Variants in UGT1A4 observed in about 807,000 individuals in gnomAD.
UGT1A4 encodes UDP-glucuronosyltransferase 1A4.
Under a neutral mutation model 41.1 loss-of-function variants are expected in UGT1A4, and 32 were observed. That is an observed-to-expected ratio of 0.78 (90% CI 0.59 to 1.05). The LOEUF (loss-of-function observed/expected upper bound fraction) is 1.05. Ranked by LOEUF, UGT1A4 falls within the 50% of genes least tolerant of loss-of-function variation. UGT1A4 has a pLI of 0.00. For missense variants in UGT1A4, 748 were observed against 677.4 expected, an observed-to-expected ratio of 1.10 and a Z score of -1.16; for synonymous variants, 283 against 265.1, an observed-to-expected ratio of 1.07 and a Z score of -0.66.
At chr2:233,750,259 G>C (rs1161591814) in intron 1 of UGT1A4, among the ~76,000 whole-genome samples, 2 of 151,924 alleles carry the variant, frequency 1.3e-5, no homozygotes, top group African/African-American at 2.4e-5. Flanking sequence ...GGTCACCCTT[G>C]CTATGCTTTA....
intron 1 of UGT1A4, among the ~76,000 whole-genome samples, chr2:233,745,546 A>G (rs1693142103): frequency 6.6e-6 from 1 of 151,692 alleles, no homozygotes. Flanking sequence ...CACCAGAACA[A>G]ACTTCTAAGT....
At chr2:233,721,716 GT>G (rs1452034335) in intron 1 of UGT1A4, 1 of 386,646 alleles carries the variant, frequency 2.6e-6, no homozygotes, top group African/African-American at 2.1e-5. Context: ...TGGATGCTTT[GT>G]TTACTTGGAT....
rs886044684 is a variant in UGT1A4 at position 233,767,925 on chromosome 2, A to G, written c.1076A>G (p.Asn359Ser). The G allele has an allele frequency of 1.2e-6, 2 of 1,614,156 alleles. No homozygotes were observed. Among genetic ancestry groups the G allele is most frequent in the Non-Finnish European group, 1.7e-6 (2 of 1,180,038 alleles). The change falls in exon 3 of 5, where the codon AAC (asparagine) becomes AGC (serine). Residue 359 changes from asparagine (N) to serine (S), a missense_variant. Transcript: ENST00000373409. ...ATACTTGTTAAGTGGCTACCCCAAA[A>G]CGATCTGCTTGGTATGTTGGGCGGA... ...NTILVKWLPQ[N>S]DLLGHPMTRA...
At chr2:233,772,103 ACT>A (rs758185020) in intron 4 of UGT1A4, among the ~76,000 whole-genome samples, 157 bp from the exon 5 acceptor site, 84 of 152,280 alleles carry the variant, frequency 5.5e-4, no homozygotes, top group Admixed American at 1.4e-3. Flanking sequence ...ACAGGGCAAG[ACT>A]CTGTATCTAA....
rs1692776441 is a variant in UGT1A4 at position 233,744,329 on chromosome 2, T to A, written c.868-22705T>A. ...AGGGAAGAGGGTGGTGGGAGTGAGT[T>A]TAGTCTGACTGGGGCTGAAGACATC... On this transcript the variant is annotated intron_variant, in intron 1 of 4. Transcript: ENST00000373409. 1.3e-5 allele frequency among the ~76,000 whole-genome samples: 2 copies of A among 151,824 alleles called. 1 individual carries two copies. The highest frequency in any genetic ancestry group is 4.9e-5 in the African/African-American group (2 of 41,084).
chr2:233,738,671 G>A (rs6722076), intron 1 of UGT1A4, among the ~76,000 whole-genome samples: 41,235 of 152,112 alleles, frequency 0.27, 5,866 homozygotes, highest in South Asian at 0.39. Context: ...TGAGAGAGAT[G>A]ATCTGAAATT....
rs923296681 is a variant in UGT1A4 at position 233,722,920 on chromosome 2, C to A, written c.867+3233C>A. 6.3e-5 allele frequency among the ~76,000 whole-genome samples: 8 copies of A among 127,544 alleles called. No individual in the cohort carries two copies. In the East Asian group the frequency reaches 2.1e-3, roughly 34 times the overall value. 83.7% of individuals were successfully genotyped at this position (127,544 alleles called of 152,430 possible). On this transcript the variant is annotated intron_variant, in intron 1 of 4. Coordinates refer to ENST00000373409, the MANE Select transcript of UGT1A4 (RefSeq NM_007120.3). The stretch of plus-strand genomic sequence containing the variant: ...AGTGGATCATCATAAAGGTCTTCAT[C>A]CTCATTGTCTCCATGCTGAGTGGGC...
rs34650714 is a variant in UGT1A4 at position 233,767,183 on chromosome 2, C to T, written c.999+18C>T. The T allele has an allele frequency of 6.4e-3, 10,393 of 1,613,868 alleles. 514 individuals carry two copies. The African/African-American group carries it at 0.12, about 18-fold the overall frequency. On this transcript the variant is annotated intron_variant, in intron 2 of 4. Transcript: ENST00000373409. The stretch of plus-strand genomic sequence containing the variant: ...CTCAGACAGTAAGAAGATTCTATAC[C>T]ATGGCCTCATATCTATTTTCACAGG...
chr2:233,752,680 A>G (rs1695029756), intron 1 of UGT1A4: 1 of 152,192 alleles, frequency 6.6e-6, no homozygotes, highest in South Asian at 2.1e-4. Context: ...TGAGCCCAGA[A>G]ATTCATGTTT....
intron 1 of UGT1A4, among the ~76,000 whole-genome samples, chr2:233,726,718 C>T (rs2077554623): frequency 1.3e-5 from 2 of 152,316 alleles, no homozygotes; most frequent in African/African-American, 2.4e-5. Flanking sequence ...TGAGGAAGTA[C>T]AATGTAGATA....
At position 233,718,746 on chromosome 2, in the gene UGT1A4, T is replaced by C. The variant is rs2076680483; in HGVS notation, c.-75T>C. ...TTTGCTAGGTGGCTCAATGACAAGG[T>C]AATTAAGGCGAAGGAAACAAATGTA... On this transcript the variant is annotated 5_prime_UTR_variant, in exon 1 of 5. It removes the in-frame stop codon of an upstream open reading frame in the 5' UTR. Coordinates refer to ENST00000373409, the MANE Select transcript of UGT1A4 (RefSeq NM_007120.3). 6.2e-7 allele frequency: 1 copy of C among 1,612,108 alleles called. No homozygotes were observed. Among genetic ancestry groups the C allele is most frequent in the Admixed American group, 1.7e-5 (1 of 60,006 alleles).
chr2:233,743,711 C>T (rs765415857), intron 1 of UGT1A4: 10 of 1,367,266 alleles, frequency 7.3e-6, no homozygotes, highest in Non-Finnish European at 9.8e-6. Context: ...CCCCGCCTCG[C>T]CATAGCGGTC....
Position 233,772,533 on chromosome 2 carries a change from A to G in UGT1A4, c.1579A>G (p.Lys527Glu). 6.2e-7 allele frequency: 1 copy of G among 1,614,214 alleles called. No homozygotes were observed. Among genetic ancestry groups the G allele is most frequent in the Non-Finnish European group, 8.5e-7 (1 of 1,180,036 alleles). ...KCLGKKGRVK[K>E]AHKSKTH ...CTTGGGGAAAAAAGGGCGAGTTAAG[A>G]AAGCCCACAAATCCAAGACCCATTG... Residue 527 changes from lysine to glutamate, a missense_variant, in exon 5 of 5, where the codon AAA (lysine) becomes GAA (glutamate). Coordinates refer to ENST00000373409, the MANE Select transcript of UGT1A4 (RefSeq NM_007120.3).
chr2:233,738,464 T>C (rs1182388871), intron 1 of UGT1A4, among the ~76,000 whole-genome samples: 1 of 152,210 alleles, frequency 6.6e-6, no homozygotes, highest in Non-Finnish European at 1.5e-5. Flanking sequence ...GTGGGAAAGT[T>C]TGGAACTTCC....
intron 1 of UGT1A4, among the ~76,000 whole-genome samples, chr2:233,724,169 C>CA (rs1420710950): frequency 7.9e-6 from 1 of 127,094 alleles, no homozygotes; most frequent in Admixed American, 7.4e-5. Flanking sequence ...GGCTGACCCC[C>CA]CCATCTCCCT....
At chr2:233,731,107 A>G (rs1222432137) in intron 1 of UGT1A4, among the ~76,000 whole-genome samples, 2 of 151,962 alleles carry the variant, frequency 1.3e-5, no homozygotes, top group Admixed American at 6.6e-5. Flanking sequence ...CTTTTTTATA[A>G]ATGTAGGTAT....
intron 1 of UGT1A4, among the ~76,000 whole-genome samples, chr2:233,722,841 G>GTT (rs1454578940): frequency 8.8e-6 from 1 of 113,218 alleles, no homozygotes. Context: ...TAATAAGAAT[G>GTT]TTTCTTTTTT....
intron 1 of UGT1A4, among the ~76,000 whole-genome samples, chr2:233,745,098 AT>A (rs960304427): frequency 6.6e-6 from 1 of 151,758 alleles, no homozygotes; most frequent in African/African-American, 2.4e-5. Flanking sequence ...CCCCCCAAAT[AT>A]TTTTAATCTG....
Position 233,766,262 on chromosome 2 carries a change from C to T in UGT1A4, c.868-772C>T, listed in dbSNP as rs34353734. On this transcript the variant is annotated intron_variant, in intron 1 of 4. Coordinates refer to ENST00000373409, the MANE Select transcript of UGT1A4 (RefSeq NM_007120.3). ...CCCCTGGAGTCAGACCGCTCAGTGG[C>T]CCGGGCTCGGTGGCCCGGGCTCGGT... is the stretch of plus-strand genomic sequence containing the variant. Among the ~76,000 whole-genome samples, 215 of 68,078 alleles carry T rather than the reference C, an allele frequency of 3.2e-3. 2 individuals carry two copies. Among genetic ancestry groups the T allele is most frequent in the African/African-American group, 0.015 (204 of 13,924 alleles). 44.7% of individuals were successfully genotyped at this position (68,078 alleles called of 152,430 possible).
Sources: gnomAD v4.1 joint callset for allele counts (sites outside exome capture counted in the v4.1 genomes callset) on GRCh38, gnomAD v4.1.1 for gene constraint, MANE v1.5 for transcripts, NCBI Gene and HGNC (gene_info 2026-07-23, HGNC 2026-07-21) for gene names.